The following DOCK8 variants were observed in gnomAD, a reference collection of about 807,000 sequenced individuals.
The protein encoded by DOCK8 is dedicator of cytokinesis 8.
A neutral mutation model predicts 245.6 loss-of-function variants in DOCK8; 141 were observed. That is an observed-to-expected ratio of 0.57 (90% confidence interval 0.50 to 0.66). The LOEUF is 0.66. Ranked by LOEUF, DOCK8 falls within the 30% of genes least tolerant of loss-of-function variation. The probability of loss-of-function intolerance (pLI) is 0.00; values close to 1 mark genes in which losing one functional copy is unlikely to be tolerated. For synonymous variants in DOCK8, 1,168 were observed against 970.2 expected (o/e 1.20, Z -3.79); for missense variants, 2,965 against 2,603.4 (o/e 1.14, Z -3.02).
chr9:400,953 C>CCTCCTT (rs1163097988), intron 26 of DOCK8, among the ~76,000 whole-genome samples: 1 of 67,980 alleles, frequency 1.5e-5, no homozygotes, highest in East Asian at 3.2e-4. Context: ...ACCATCACCA[C>CCTCCTT]CACCACCACC....
At chr9:284,404 C>T (rs900626732) in intron 2 of DOCK8, 1 of 152,198 alleles carries the variant, frequency 6.6e-6, no homozygotes, top group Non-Finnish European at 1.5e-5. Flanking sequence ...ATAGTCCTCT[C>T]TTCAGCTGAC....
In DOCK8 at chr9:338,943, C is replaced by T. The variant is rs181202156; in HGVS notation, c.1423-63C>T. On this transcript the variant is annotated intron_variant, in intron 12 of 47. Transcript: ENST00000432829. ...TAAAGGTAAAAATCTTCCCAGAAAT[C>T]GTTTGTCCCCAACCCAAGAGTCAAA... The T allele has an allele frequency of 3.6e-3, 4,975 of 1,388,616 alleles. 15 individuals carry two copies. Among genetic ancestry groups the T allele is most frequent in the South Asian group, 5.6e-3 (479 of 85,922 alleles). The allele number at this position is 1,388,616 out of a possible 1,614,324, so 86.0% of individuals were successfully genotyped here. A position where few individuals can be genotyped will look rare whatever the true frequency, so the allele number is the denominator to read the frequency against.
At chr9:256,873 A>T (rs992893336) in intron 1 of DOCK8, among the ~76,000 whole-genome samples, 2 of 151,962 alleles carry the variant, frequency 1.3e-5, no homozygotes, top group African/African-American at 4.8e-5. Flanking sequence ...TGCACACTCG[A>T]TGAATACTTG....
intron 2 of DOCK8, among the ~76,000 whole-genome samples, chr9:285,339 CTGGTTTCGTTAG>C (rs755522370): frequency 3.3e-5 from 5 of 152,168 alleles, no homozygotes; most frequent in Non-Finnish European, 4.4e-5. Context: ...CGATGAAAAA[CTGGTTTCGTTAG>C]TACTTCCCTT....
At chr9:320,059 C>G (rs911247152) in intron 7 of DOCK8, among the ~76,000 whole-genome samples, 1 of 152,204 alleles carries the variant, frequency 6.6e-6, no homozygotes, top group East Asian at 1.9e-4. Flanking sequence ...TCTTTTGCTT[C>G]AAAATGCTAG....
chr9:225,560 T>C (rs1263187865), intron 1 of DOCK8, among the ~76,000 whole-genome samples: 8 of 152,188 alleles, frequency 5.3e-5, no homozygotes, highest in Non-Finnish European at 1.2e-4. Flanking sequence ...ACTACATACT[T>C]ATTCATTCAT....
chr9:313,772 C>G (rs1334004346), intron 6 of DOCK8, among the ~76,000 whole-genome samples: 2 of 152,148 alleles, frequency 1.3e-5, no homozygotes, highest in Non-Finnish European at 2.9e-5. Context: ...CACACACACA[C>G]AAAAGGTAAG....
chr9:372,994 A>G lies in DOCK8; in HGVS notation c.2109+708A>G, dbSNP rs1243326145. Among the ~76,000 whole-genome samples the G allele has an allele frequency of 8.6e-5, 13 of 152,018 alleles. 1 individual carries two copies. Among genetic ancestry groups the G allele is most frequent in the African/African-American group, 2.2e-4 (9 of 41,390 alleles). ...AGCCTGGCCAACATGGTGAAACTCCATCTCTACTAAAAATACAAAAAAATT... is the reference window on the plus strand; with the variant it reads ...AGCCTGGCCAACATGGTGAAACTCCGTCTCTACTAAAAATACAAAAAAATT... On this transcript the variant is annotated intron_variant, in intron 18 of 47. Coordinates refer to ENST00000432829, the MANE Select transcript of DOCK8 (RefSeq NM_203447.4).
At chr9:373,081 C>T (rs1401235059) in intron 18 of DOCK8, among the ~76,000 whole-genome samples, 2 of 152,124 alleles carry the variant, frequency 1.3e-5, no homozygotes, top group African/African-American at 4.8e-5. Context: ...GCAGGAGAAT[C>T]GCTTTAACCT....
chr9:377,796 T>C (rs938604225), intron 20 of DOCK8, among the ~76,000 whole-genome samples: 87 of 152,340 alleles, frequency 5.7e-4, no homozygotes, highest in African/African-American at 1.9e-3. Flanking sequence ...CCGTTCTCTC[T>C]TACAGTCTAT....
chr9:458,551 T>A (rs185887051), intron 46 of DOCK8: 32 of 152,516 alleles, frequency 2.1e-4, no homozygotes, highest in African/African-American at 7.7e-4. Context: ...TGGCTACGCC[T>A]GTAATCCCAG....
In DOCK8 at chr9:463,626, A is replaced by G. The variant is rs750127677; in HGVS notation, c.6178A>G (p.Met2060Val). The change falls in exon 47 of 48, where the codon ATG becomes GTG. Residue 2060 changes from methionine to valine, a missense_variant. Transcript: ENST00000432829. ...CAAGCTAAAAGAGAACCTCAGGCCA[A>G]TGATCGAGCGGAAAATTCCAGAACT... Reference protein sequence around the residue: ...YNKLKENLRPMIERKIPELYK... With the variant: ...YNKLKENLRPVIERKIPELYK... 16 of 1,613,876 alleles carry G rather than the reference A, an allele frequency of 9.9e-6. No homozygotes were observed. Among genetic ancestry groups the G allele is most frequent in the South Asian group, 8.8e-5 (8 of 91,078 alleles).
chr9:375,778 C>G (rs2053489355), intron 18 of DOCK8, among the ~76,000 whole-genome samples: 1 of 152,164 alleles, frequency 6.6e-6, no homozygotes, highest in Non-Finnish European at 1.5e-5. Flanking sequence ...GGGCAGATCA[C>G]TTGAGCCCAG....
chr9:397,314 G>C (rs1564007171), intron 25 of DOCK8, among the ~76,000 whole-genome samples: 1 of 145,146 alleles, frequency 6.9e-6, no homozygotes, highest in African/African-American at 2.6e-5. Flanking sequence ...TGGTGCCACA[G>C]CACTCCAGCC....
intron 14 of DOCK8, among the ~76,000 whole-genome samples, chr9:364,641 G>GA (rs34033459): frequency 0.051 from 4,282 of 84,382 alleles, 95 homozygotes; most frequent in Non-Finnish European, 0.063. Context: ...CTCAAAAATT[G>GA]AAAAAAAAAA....
chr9:298,922 C>T (rs1359351817), intron 4 of DOCK8, among the ~76,000 whole-genome samples: 3 of 148,694 alleles, frequency 2.0e-5, no homozygotes, highest in Non-Finnish European at 3.0e-5. Flanking sequence ...AGGCAAAGGG[C>T]AAATACTAAT....
intron 4 of DOCK8, among the ~76,000 whole-genome samples, chr9:290,752 T>C (rs1253271054): frequency 6.6e-6 from 1 of 152,116 alleles, no homozygotes; most frequent in Non-Finnish European, 1.5e-5. Context: ...GACAAGACAT[T>C]AGTAGTTTAA....
chr9:294,340 A>G (rs1816411877), intron 4 of DOCK8, among the ~76,000 whole-genome samples: 1 of 152,364 alleles, frequency 6.6e-6, no homozygotes, highest in Admixed American at 6.5e-5. Flanking sequence ...TCTGATAGGT[A>G]CTGCCAAATT....
chr9:235,886 G>C (rs952463904), intron 1 of DOCK8, among the ~76,000 whole-genome samples: 2 of 152,152 alleles, frequency 1.3e-5, no homozygotes, highest in Non-Finnish European at 2.9e-5. Context: ...TTCGGCTCAC[G>C]CATGTTGCGC....
Sources: allele counts gnomAD v4.1 joint callset (sites outside exome capture counted in the v4.1 genomes callset), GRCh38; gene constraint gnomAD v4.1.1; transcripts MANE v1.5; gene names NCBI Gene and HGNC (gene_info 2026-07-23, HGNC 2026-07-21).